DNAJC15: variants seen among roughly 807,000 people sequenced by gnomAD.
The protein encoded by DNAJC15 is DnaJ heat shock protein family (Hsp40) member C15.
In DNAJC15, 27 loss-of-function variants were observed where a neutral mutation model predicts 22.4. The ratio of observed to expected loss-of-function variants is 1.20; its 90% CI spans 0.89 to 1.66. The LOEUF is 1.66. DNAJC15 is among the 40% of genes most tolerant of loss of function. The pLI, the probability that DNAJC15 is intolerant of heterozygous loss-of-function variation, is 0.00. For missense variants in DNAJC15, 208 were observed against 187.1 expected (o/e 1.11, Z -0.65); for synonymous variants, 79 against 63.2 (o/e 1.25, Z -1.19).
rs2040819850 is a variant in DNAJC15 at position 43,110,552 on chromosome 13, G to A, written c.*3304G>A. On this transcript the variant is annotated 3_prime_UTR_variant, in exon 6 of 6. Transcript: ENST00000379221. ...TACAGTTACTTGAAATATAAGCCCAGAAAGTTTCAGATAATAAATACAACT... is the reference window on the plus strand; with the variant it reads ...TACAGTTACTTGAAATATAAGCCCAAAAAGTTTCAGATAATAAATACAACT... 6.6e-6 allele frequency: 1 copy of A among 152,124 alleles called. No individual in the cohort carries two copies. The allele number at this position is 152,124 out of a possible 1,614,324, so 9.4% of individuals were successfully genotyped here.
chr13:43,023,782 T>G (rs778958387), intron 1 of DNAJC15, 48 bp downstream of exon 1: 1 of 1,523,770 alleles, frequency 6.6e-7, no homozygotes, highest in South Asian at 1.2e-5. Flanking sequence ...CCTTGTAGTT[T>G]CTGCTTCAGC....
intron 1 of DNAJC15, among the ~76,000 whole-genome samples, chr13:43,034,767 C>G (rs2040421798): frequency 6.6e-6 from 1 of 152,114 alleles, no homozygotes; most frequent in African/African-American, 2.4e-5. Flanking sequence ...TCAGTTGACT[C>G]TTGTGTACCT....
chr13:43,101,177 G>T (rs751699126), intron 5 of DNAJC15, among the ~76,000 whole-genome samples: 3 of 152,066 alleles, frequency 2.0e-5, no homozygotes, highest in Non-Finnish European at 4.4e-5. Flanking sequence ...CATATAGTTG[G>T]CTCATGCTTG....
At chr13:43,078,963 C>A (rs2153441361) in intron 4 of DNAJC15, 1 of 211,288 alleles carries the variant, frequency 4.7e-6, no homozygotes, top group Admixed American at 5.5e-5. Flanking sequence ...TTTCAGTTAA[C>A]CAAAATATCC....
At chr13:43,034,872 C>T (rs952507845) in intron 1 of DNAJC15, among the ~76,000 whole-genome samples, 5 of 152,012 alleles carry the variant, frequency 3.3e-5, no homozygotes, top group Admixed American at 2.0e-4. Flanking sequence ...TATTTCCTGC[C>T]CCAGTCCCAA....
chr13:43,068,157 C>G lies in DNAJC15; in HGVS notation c.161-773C>G, dbSNP rs2040592274. Among the ~76,000 whole-genome samples, 3 of 152,078 alleles carry G rather than the reference C, an allele frequency of 2.0e-5. No homozygotes were observed. In the South Asian group the frequency reaches 6.2e-4, roughly 32 times the overall value. On this transcript the variant is annotated intron_variant, in intron 2 of 5. Transcript: ENST00000379221. ...GTAGTGTCATATACTGGTTTTCTAGCAAGACTCTTGGAGAAAGAGATACTA... is the reference window on the plus strand; with the variant it reads ...GTAGTGTCATATACTGGTTTTCTAGGAAGACTCTTGGAGAAAGAGATACTA...
intron 1 of DNAJC15, among the ~76,000 whole-genome samples, chr13:43,040,709 T>C (rs1484239134): frequency 6.6e-6 from 1 of 151,752 alleles, no homozygotes; most frequent in African/African-American, 2.4e-5. Flanking sequence ...TGAGTTCCCT[T>C]AGTATTTATT....
intron 5 of DNAJC15, among the ~76,000 whole-genome samples, chr13:43,096,934 A>G (rs1431311213): frequency 6.6e-6 from 1 of 152,242 alleles, no homozygotes; most frequent in African/African-American, 2.4e-5. Flanking sequence ...AGGCCTAGCT[A>G]TCCCAGCTTA....
chr13:43,056,636 C>CTG (rs1261508037), intron 1 of DNAJC15, among the ~76,000 whole-genome samples: 1 of 152,184 alleles, frequency 6.6e-6, no homozygotes, highest in Non-Finnish European at 1.5e-5. Flanking sequence ...AAGTCCCCCA[C>CTG]TGTTATTGTG....
At chr13:43,093,488 T>G (rs2040724918) in intron 5 of DNAJC15, among the ~76,000 whole-genome samples, 1 of 152,188 alleles carries the variant, frequency 6.6e-6, no homozygotes, top group Non-Finnish European at 1.5e-5. Context: ...ACAGCTCACT[T>G]CAGCCTCGGC....
At position 43,112,941 on chromosome 13, in the gene DNAJC15, A is replaced by G. The variant is rs1483272875; in HGVS notation, c.*5693A>G. On this transcript the variant is annotated 3_prime_UTR_variant, in exon 6 of 6. Transcript: ENST00000379221. ...AAAGGATCCAGTGTCATTGTGCATC[A>G]TGGGCAAGGAGTACCTAATCTCTTT... 3 of 152,260 alleles carry G rather than the reference A, an allele frequency of 2.0e-5. No homozygotes were observed. Among genetic ancestry groups the G allele is most frequent in the Non-Finnish European group, 4.4e-5 (3 of 68,044 alleles). The allele number at this position is 152,260 out of a possible 1,614,324, so 9.4% of individuals were successfully genotyped here. A position where few individuals can be genotyped will look rare whatever the true frequency, so the allele number is the denominator to read the frequency against.
In DNAJC15 at chr13:43,108,807, C is replaced by CT. The variant is rs1343424872; in HGVS notation, c.*1562dup. 6.6e-6 allele frequency: 1 copy of CT among 152,152 alleles called. No homozygotes were observed. Among genetic ancestry groups the CT allele is most frequent in the Non-Finnish European group, 1.5e-5 (1 of 68,024 alleles). 9.4% of individuals were successfully genotyped at this position (152,152 alleles called of 1,614,324 possible). Reference sequence around the variant, plus strand: ...CCAGTTGAGAACCATTTCAGTAAAACTTTAATTACTATTTTTTCTTTTGGT... The same window carrying CT: ...CCAGTTGAGAACCATTTCAGTAAAACTTTTAATTACTATTTTTTCTTTTGGT... On this transcript the variant is annotated 3_prime_UTR_variant, in exon 6 of 6. Coordinates refer to ENST00000379221, the MANE Select transcript of DNAJC15 (RefSeq NM_013238.3).
At chr13:43,074,688 A>G (rs1468212413) in intron 3 of DNAJC15, among the ~76,000 whole-genome samples, 1 of 152,200 alleles carries the variant, frequency 6.6e-6, no homozygotes, top group African/African-American at 2.4e-5. Flanking sequence ...ATTAATTCAA[A>G]CATAATAATG....
chr13:43,087,832 A>G (rs2040696514), intron 5 of DNAJC15, among the ~76,000 whole-genome samples: 1 of 152,210 alleles, frequency 6.6e-6, no homozygotes, highest in African/African-American at 2.4e-5. Context: ...AAATGGCTGA[A>G]AATAAATTTT....
chr13:43,063,885 A>G (rs2040571073), intron 1 of DNAJC15, among the ~76,000 whole-genome samples: 1 of 152,224 alleles, frequency 6.6e-6, no homozygotes, highest in Non-Finnish European at 1.5e-5. Context: ...GTTTGATTGG[A>G]CTAACACCAG....
chr13:43,039,178 A>G (rs1299111471), intron 1 of DNAJC15, among the ~76,000 whole-genome samples: 1 of 152,114 alleles, frequency 6.6e-6, no homozygotes. Context: ...TGTTGCTGCA[A>G]TTTGCAAGTC....
At chr13:43,066,904 C>T (rs928953932) in intron 2 of DNAJC15, among the ~76,000 whole-genome samples, 13 of 152,208 alleles carry the variant, frequency 8.5e-5, no homozygotes, top group African/African-American at 2.9e-4. Flanking sequence ...CAGGCGTGAG[C>T]CACCGTGCCC....
chr13:43,105,638 A>G (rs1478494947), intron 5 of DNAJC15, among the ~76,000 whole-genome samples: 1 of 152,170 alleles, frequency 6.6e-6, no homozygotes, highest in Non-Finnish European at 1.5e-5. Flanking sequence ...ATTTTTTCCA[A>G]CTGCTGAGTG....
At chr13:43,062,888 T>G (rs2040565527) in intron 1 of DNAJC15, among the ~76,000 whole-genome samples, 1 of 151,682 alleles carries the variant, frequency 6.6e-6, no homozygotes, top group Admixed American at 6.6e-5. Context: ...CCGGCTAATT[T>G]TCATATTTTT....
Sources: allele counts gnomAD v4.1 joint callset (sites outside exome capture counted in the v4.1 genomes callset), GRCh38; gene constraint gnomAD v4.1.1; transcripts MANE v1.5; gene names NCBI Gene and HGNC (gene_info 2026-07-23, HGNC 2026-07-21).